The following CNGA1 variants were observed in gnomAD, a reference collection of about 807,000 sequenced individuals.
CNGA1 encodes cyclic nucleotide-gated channel alpha-1.
Under a neutral mutation model 69.7 loss-of-function variants are expected in CNGA1, and 53 were observed. That is an observed-to-expected ratio of 0.76 (90% CI 0.61 to 0.96). CNGA1 has a LOEUF of 0.96. Among genes scored for constraint, CNGA1 ranks in the 40% least tolerant of loss-of-function variants. The pLI is 0.00. For missense variants in CNGA1, 739 were observed against 811.2 expected, an observed-to-expected ratio of 0.91 and a Z score of 1.08; for synonymous variants, 249 against 283.5, an observed-to-expected ratio of 0.88 and a Z score of 1.22.
chr4:47,950,583 G>C (rs1739680713), intron 5 of CNGA1, among the ~76,000 whole-genome samples: 1 of 152,080 alleles, frequency 6.6e-6, no homozygotes, highest in South Asian at 2.1e-4. Flanking sequence ...AAGACTGTTA[G>C]GGAAAGTAAG....
chr4:47,968,326 T>A (rs954574961), intron 3 of CNGA1, among the ~76,000 whole-genome samples: 8 of 151,982 alleles, frequency 5.3e-5, no homozygotes, highest in African/African-American at 1.4e-4. Context: ...TCTAGGGGAG[T>A]TTTTTTTAAT....
chr4:47,984,663 TACACACACAC>T (rs60055899), intron 2 of CNGA1, among the ~76,000 whole-genome samples: 6,642 of 127,278 alleles, frequency 0.052, 347 homozygotes, highest in East Asian at 0.37. Flanking sequence ...TATATATATA[TACACACACAC>T]ACACACACAC....
At chr4:47,997,894 C>T (rs529235963) in intron 2 of CNGA1, among the ~76,000 whole-genome samples, 2 of 152,268 alleles carry the variant, frequency 1.3e-5, no homozygotes, top group Admixed American at 1.3e-4. Flanking sequence ...ATAAACCTAT[C>T]ATAAATTGAA....
intron 3 of CNGA1, among the ~76,000 whole-genome samples, chr4:47,955,174 T>C (rs1295275897): frequency 2.2e-4 from 1 of 4,496 alleles, no homozygotes; most frequent in Non-Finnish European, 3.6e-4. Flanking sequence ...TTTTCTTTTC[T>C]TTTTTTTTTT....
intron 2 of CNGA1, among the ~76,000 whole-genome samples, chr4:47,984,009 T>C (rs1250325276): frequency 3.3e-5 from 5 of 152,338 alleles, no homozygotes; most frequent in South Asian, 2.1e-4. Flanking sequence ...TTGGGTTTTT[T>C]AAATCTGAAA....
intron 1 of CNGA1, among the ~76,000 whole-genome samples, chr4:48,011,822 C>A (rs759064010): frequency 9.9e-5 from 15 of 152,128 alleles, no homozygotes; most frequent in African/African-American, 3.1e-4. Flanking sequence ...CCTAAAGACA[C>A]GGGATTCATA....
intron 3 of CNGA1, among the ~76,000 whole-genome samples, chr4:47,953,432 T>G (rs887456509): frequency 4.6e-5 from 7 of 152,116 alleles, no homozygotes. Context: ...GTAATGGAGG[T>G]AATCTGCTGT....
At chr4:47,964,782 T>C (rs1042020586) in intron 3 of CNGA1, among the ~76,000 whole-genome samples, 6 of 152,084 alleles carry the variant, frequency 3.9e-5, no homozygotes, top group Non-Finnish European at 7.4e-5. Context: ...TTCCTTTACA[T>C]TTTCAAAAAT....
intron 6 of CNGA1, among the ~76,000 whole-genome samples, chr4:47,949,132 C>T (rs1040625363): frequency 6.6e-6 from 1 of 152,170 alleles, no homozygotes; most frequent in African/African-American, 2.4e-5. Context: ...AGGTGGTGCA[C>T]AAAATTCAGG....
chr4:47,957,973 C>A (rs913054122), intron 3 of CNGA1, among the ~76,000 whole-genome samples: 1 of 149,366 alleles, frequency 6.7e-6, no homozygotes, highest in African/African-American at 2.5e-5. Context: ...CAGCTCACTG[C>A]AACCTCCACC....
chr4:47,998,798 A>T (rs73147997), intron 2 of CNGA1, among the ~76,000 whole-genome samples: 5,443 of 152,136 alleles, frequency 0.036, 302 homozygotes, highest in African/African-American at 0.12. Flanking sequence ...AATAAATAAA[A>T]AATTTAAATG....
intron 10 of CNGA1, among the ~76,000 whole-genome samples, chr4:47,938,215 G>T (rs577144960): frequency 2.0e-4 from 31 of 151,378 alleles, no homozygotes; most frequent in Non-Finnish European, 4.6e-4. Flanking sequence ...GAAAAATTTT[G>T]TAAGTGCAAA....
chr4:47,941,986 G>T, intron 9 of CNGA1, 55 bp downstream of exon 9: 2 of 1,113,542 alleles, frequency 1.8e-6, no homozygotes, highest in South Asian at 1.3e-5. Flanking sequence ...CAGTGAACTT[G>T]GAAACTAGAA....
rs191479600 is a variant in CNGA1 at position 48,013,277 on chromosome 4, A to G, written c.-222-2384T>C. Among the ~76,000 whole-genome samples the G allele has an allele frequency of 2.6e-5, 4 of 152,328 alleles. No individual in the cohort carries two copies. In the East Asian group the frequency reaches 7.7e-4, roughly 29 times the overall value. On this transcript the variant is annotated intron_variant, in intron 1 of 10. Transcript: ENST00000514170. The stretch of plus-strand genomic sequence containing the variant: ...TGTGGTTACCAAAATGTGAACCCCA[A>G]AAATTTGAGACAGGTCTCAGTGAAT...
chr4:47,951,286 CA>C (rs1403565180), intron 5 of CNGA1, 66 bp downstream of exon 5: 3 of 1,048,346 alleles, frequency 2.9e-6, no homozygotes, highest in Non-Finnish European at 4.5e-6. Flanking sequence ...TGCAAAAATT[CA>C]AAACACTGCA....
chr4:48,006,627 AT>A (rs1714930783), intron 2 of CNGA1, among the ~76,000 whole-genome samples: 1 of 146,130 alleles, frequency 6.8e-6, no homozygotes, highest in Non-Finnish European at 1.5e-5. Flanking sequence ...AAAAAAAGAC[AT>A]AATTTTTTTT....
At chr4:48,012,792 A>G (rs192467510) in intron 1 of CNGA1, 6 of 152,216 alleles carry the variant, frequency 3.9e-5, no homozygotes, top group African/African-American at 1.4e-4. Flanking sequence ...GGCACAATTT[A>G]TATGATAACT....
intron 2 of CNGA1, among the ~76,000 whole-genome samples, chr4:48,000,010 A>G (rs1352199995): frequency 1.3e-5 from 2 of 152,242 alleles, no homozygotes; most frequent in African/African-American, 4.8e-5. Flanking sequence ...CAGAACTTCT[A>G]GAAATTAAAA....
At chr4:47,983,319 C>T (rs950578326) in intron 2 of CNGA1, among the ~76,000 whole-genome samples, 1 of 152,048 alleles carries the variant, frequency 6.6e-6, no homozygotes, top group Non-Finnish European at 1.5e-5. Context: ...GGCGGGGCGT[C>T]GTGGCTCACG....
Sources: allele counts gnomAD v4.1 joint callset (sites outside exome capture counted in the v4.1 genomes callset), GRCh38; gene constraint gnomAD v4.1.1; transcripts MANE v1.5; gene names NCBI Gene and HGNC (gene_info 2026-07-23, HGNC 2026-07-21).